Variants in CTCF observed in about 807,000 individuals in gnomAD.
CTCF encodes the protein CCCTC-binding factor, also known as transcriptional repressor CTCF.
In CTCF, 7 loss-of-function variants were observed where a neutral mutation model predicts 72.3. That is an observed-to-expected ratio of 0.10 (90% CI 0.06 to 0.18). CTCF has a LOEUF of 0.18. Among genes scored for constraint, CTCF ranks in the 10% least tolerant of loss-of-function variants. The probability of loss-of-function intolerance (pLI) is 1.00; values close to 1 mark genes in which losing one functional copy is unlikely to be tolerated. For missense variants in CTCF, 516 were observed against 949.1 expected (o/e 0.54, Z 6.00); for synonymous variants, 374 against 315.8 (o/e 1.18, Z -1.95).
chr16:67,624,772 T>G (rs2052260802), intron 7 of CTCF, among the ~76,000 whole-genome samples: 1 of 151,766 alleles, frequency 6.6e-6, no homozygotes, highest in Admixed American at 6.6e-5. Context: ...TTTTTAGCTT[T>G]TGGTAGAGAC....
Position 67,636,799 on chromosome 16 carries a change from G to A in CTCF, c.1947G>A (p.Lys649=), listed in dbSNP as rs774623787. The change falls in exon 11 of 12, where the codon AAG becomes AAA. Residue 649 remains lysine (K), a synonymous_variant. Transcript: ENST00000264010. Reference sequence around the variant, plus strand: ...TGACCCCAGCCCCACCACCCGCCAAGAAGCGGAGAGGACGACCCCCTGGCA... The same window carrying A: ...TGACCCCAGCCCCACCACCCGCCAAAAAGCGGAGAGGACGACCCCCTGGCA... ...QPVTPAPPPA[K]KRRGRPPGRT... The A allele has an allele frequency of 2.5e-6, 4 of 1,601,492 alleles. No homozygotes were observed. Among genetic ancestry groups the A allele is most frequent in the South Asian group, 2.3e-5 (2 of 88,422 alleles).
chr16:67,633,217 C>T (rs574170448), intron 10 of CTCF, among the ~76,000 whole-genome samples: 17 of 152,154 alleles, frequency 1.1e-4, no homozygotes, highest in Admixed American at 5.9e-4. Flanking sequence ...CTATAGGTTA[C>T]GGAGCAGGAT....
intron 2 of CTCF, among the ~76,000 whole-genome samples, chr16:67,605,645 C>T (rs371101930): frequency 1.3e-5 from 2 of 152,194 alleles, no homozygotes; most frequent in East Asian, 3.8e-4. Flanking sequence ...AAAGAGCTTT[C>T]ACACCCAACT....
At chr16:67,594,057 G>A (rs866871955) in intron 2 of CTCF, among the ~76,000 whole-genome samples, 1 of 152,030 alleles carries the variant, frequency 6.6e-6, no homozygotes, top group Non-Finnish European at 1.5e-5. Context: ...TACATGGCAG[G>A]ATTTTAAAAA....
At chr16:67,633,693 C>G (rs2052393163) in intron 10 of CTCF, among the ~76,000 whole-genome samples, 2 of 151,990 alleles carry the variant, frequency 1.3e-5, no homozygotes, top group East Asian at 1.9e-4. Flanking sequence ...CTGCAGTGAG[C>G]TATGACCGCA....
At chr16:67,633,889 G>A (rs769893470) in intron 10 of CTCF, among the ~76,000 whole-genome samples, 1 of 151,938 alleles carries the variant, frequency 6.6e-6, no homozygotes, top group Non-Finnish European at 1.5e-5. Flanking sequence ...GTCCATTTCC[G>A]GCTTAGTGTC....
At chr16:67,629,977 C>A (rs549006917) in intron 10 of CTCF, among the ~76,000 whole-genome samples, 49 of 151,150 alleles carry the variant, frequency 3.2e-4, no homozygotes, top group African/African-American at 1.1e-3. Flanking sequence ...GGGGTTTCAC[C>A]GTGTTAGCCA....
intron 5 of CTCF, among the ~76,000 whole-genome samples, chr16:67,619,830 G>T (rs535440993): frequency 6.6e-6 from 1 of 152,032 alleles, no homozygotes; most frequent in Non-Finnish European, 1.5e-5. Flanking sequence ...GCAATCGCAC[G>T]CCTTGGGCCT....
chr16:67,592,858 C>G (rs1158166809), intron 2 of CTCF, among the ~76,000 whole-genome samples: 1 of 151,896 alleles, frequency 6.6e-6, no homozygotes, highest in African/African-American at 2.4e-5. Flanking sequence ...GAAACCCCGT[C>G]TCTACTAAAA....
intron 2 of CTCF, among the ~76,000 whole-genome samples, chr16:67,574,650 CTTTTTTT>C (rs1162960134): frequency 2.4e-4 from 23 of 97,002 alleles, no homozygotes; most frequent in African/African-American, 8.4e-4. Flanking sequence ...CCAAAAGCAT[CTTTTTTT>C]TTTTTTTTTT....
At position 67,608,735 on chromosome 16, in the gene CTCF, GT is replaced by G. The variant is rs112295395; in HGVS notation, c.-9-2078del. On this transcript the variant is annotated intron_variant, in intron 2 of 11. Transcript: ENST00000264010. ...AGGAAATTTTGGAGGTGTATTTAGT[GT>G]TTTTTTTTTTCTTTTTTGAGACGGA... Among the ~76,000 whole-genome samples the G allele has an allele frequency of 5.1e-4, 75 of 146,902 alleles. 1 individual carries two copies. In the East Asian group the frequency reaches 0.011, roughly 21 times the overall value.
At chr16:67,590,182 T>G (rs926687956) in intron 2 of CTCF, among the ~76,000 whole-genome samples, 2 of 151,964 alleles carry the variant, frequency 1.3e-5, no homozygotes, top group African/African-American at 4.8e-5. Flanking sequence ...GGCGAAAGAA[T>G]TATTGTCTAG....
chr16:67,581,142 A>T (rs1474206910), intron 2 of CTCF, among the ~76,000 whole-genome samples: 1 of 148,164 alleles, frequency 6.7e-6, no homozygotes, highest in Middle Eastern at 3.7e-3. Flanking sequence ...GTTAGCCAGG[A>T]TGGTCTCGAT....
intron 7 of CTCF, among the ~76,000 whole-genome samples, chr16:67,623,830 A>G (rs1196338213): frequency 6.6e-6 from 1 of 152,108 alleles, no homozygotes; most frequent in Non-Finnish European, 1.5e-5. Flanking sequence ...TGGGCGGATC[A>G]CAAGGTCAGG....
At chr16:67,616,429 T>A (rs1406151922) in intron 4 of CTCF, 1 of 251,676 alleles carries the variant, frequency 4.0e-6, no homozygotes, top group Admixed American at 4.9e-5. Flanking sequence ...CGGTCTCTAT[T>A]AACTTTTAAT....
intron 2 of CTCF, among the ~76,000 whole-genome samples, chr16:67,577,601 C>T (rs185184121): frequency 2.0e-5 from 3 of 151,520 alleles, no homozygotes; most frequent in African/African-American, 7.2e-5. Context: ...CCACGCCTGC[C>T]TAATTTTTTT....
intron 2 of CTCF, among the ~76,000 whole-genome samples, chr16:67,607,503 G>A (rs1334649274): frequency 6.6e-6 from 1 of 151,322 alleles, no homozygotes; most frequent in Admixed American, 6.6e-5. Context: ...ATGGGGTTTT[G>A]CCATGTTAGC....
chr16:67,571,980 G>A (rs1019082136), intron 2 of CTCF, among the ~76,000 whole-genome samples: 6 of 152,006 alleles, frequency 3.9e-5, no homozygotes, highest in Non-Finnish European at 8.8e-5. Context: ...TCACGGTACC[G>A]GAAAGCACAT....
At chr16:67,574,092 G>A (rs1414924485) in intron 2 of CTCF, among the ~76,000 whole-genome samples, 2 of 151,590 alleles carry the variant, frequency 1.3e-5, no homozygotes, top group Non-Finnish European at 2.9e-5. Context: ...ACACCAAACA[G>A]TGTATGCCAA....
Sources: gnomAD v4.1 joint callset for allele counts (sites outside exome capture counted in the v4.1 genomes callset) on GRCh38, gnomAD v4.1.1 for gene constraint, MANE v1.5 for transcripts, NCBI Gene and HGNC (gene_info 2026-07-23, HGNC 2026-07-21) for gene names.